Variants in SYNE1 observed in about 807,000 individuals in gnomAD.
SYNE1 encodes spectrin repeat containing nuclear envelope protein 1.
In SYNE1, 616 loss-of-function variants were observed where a neutral mutation model predicts 1,111.0. The ratio of observed to expected loss-of-function variants is 0.55; its 90% CI spans 0.52 to 0.59. The LOEUF is 0.59. Among genes scored for constraint, SYNE1 ranks in the 20% least tolerant of loss-of-function variants. The pLI, the probability that SYNE1 is intolerant of heterozygous loss-of-function variation, is 0.00. For synonymous variants in SYNE1, 3,855 were observed against 3,825.8 expected, an observed-to-expected ratio of 1.01 and a Z score of -0.28; for missense variants, 10,006 against 10,417.0, an observed-to-expected ratio of 0.96 and a Z score of 1.72.
At chr6:152,348,321 A>G (rs2096676118) in intron 72 of SYNE1, among the ~76,000 whole-genome samples, 1 of 152,146 alleles carries the variant, frequency 6.6e-6, no homozygotes, top group South Asian at 2.1e-4. Flanking sequence ...ACCTCACACC[A>G]CCATGTCCAC....
intron 9 of SYNE1, among the ~76,000 whole-genome samples, chr6:152,503,178 C>T (rs987920346): frequency 6.7e-6 from 1 of 150,232 alleles, no homozygotes; most frequent in African/African-American, 2.4e-5. Context: ...CACTGAATGA[C>T]ATATATATAT....
Position 152,215,025 on chromosome 6 carries a change from A to G in SYNE1, c.22227T>C (p.Asp7409=). The G allele has an allele frequency of 6.2e-7, 1 of 1,614,128 alleles. No homozygotes were observed. ...ATCCAAGCTCATTTAGACGGTCTAA[A>G]TCTGGAGCCATGCTGCTGAATTTTA... ...QMLKFSSMAP[D]LDRLNELGYR... The change falls in exon 122 of 146, where the codon GAT becomes GAC. Residue 7409 remains aspartate (D), a synonymous_variant. Transcript: ENST00000367255.
intron 117 of SYNE1, among the ~76,000 whole-genome samples, chr6:152,223,268 G>A (rs546092022): frequency 6.6e-6 from 1 of 152,258 alleles, no homozygotes; most frequent in African/African-American, 2.4e-5. Flanking sequence ...TAAGGGTTAA[G>A]AAATTATATA....
intron 3 of SYNE1, among the ~76,000 whole-genome samples, chr6:152,580,274 G>C (rs1408614893): frequency 6.6e-6 from 1 of 152,086 alleles, no homozygotes; most frequent in Admixed American, 6.5e-5. Context: ...GAGTGATGTC[G>C]AACATTTTTT....
In SYNE1 at chr6:152,350,633, C is replaced by T. The variant is rs747530206; in HGVS notation, c.11718G>A (p.Leu3906=). Residue 3906 remains leucine, a synonymous_variant, in exon 71 of 146, where the codon CTG becomes CTA. Coordinates refer to ENST00000367255, the MANE Select transcript of SYNE1 (RefSeq NM_182961.4). ...IDQLQSDYQD[L]CSIGKEHVFS... ...CTCTCCTTACCTTTCCTATGCTGCA[C>T]AGGTCCTGGTAATCACTTTGAAGTT... 1.2e-5 allele frequency: 19 copies of T among 1,614,058 alleles called. No individual in the cohort carries two copies. Among genetic ancestry groups the T allele is most frequent in the Non-Finnish European group, 1.4e-5 (17 of 1,180,034 alleles).
intron 71 of SYNE1, 28 bp downstream of exon 71, chr6:152,350,590 T>A: frequency 1.2e-6 from 2 of 1,614,060 alleles, no homozygotes; most frequent in Non-Finnish European, 1.7e-6. Flanking sequence ...AAATAAACCC[T>A]TTTACGGAGT....
chr6:152,555,162 C>A (rs1327385208), intron 3 of SYNE1, among the ~76,000 whole-genome samples: 1 of 152,132 alleles, frequency 6.6e-6, no homozygotes, highest in African/African-American at 2.4e-5. Flanking sequence ...TTTTTTGTTA[C>A]AATTATTATA....
chr6:152,448,860 A>G (rs1414942013), intron 28 of SYNE1, among the ~76,000 whole-genome samples: 1 of 150,116 alleles, frequency 6.7e-6, no homozygotes, highest in African/African-American at 2.5e-5. Flanking sequence ...AAACAAACAA[A>G]CAAACAAACA....
chr6:152,498,386 C>G (rs1043502121), intron 11 of SYNE1, among the ~76,000 whole-genome samples: 2 of 151,636 alleles, frequency 1.3e-5, no homozygotes, highest in African/African-American at 4.9e-5. Flanking sequence ...AGATACAAAA[C>G]TAAACCTTTA....
intron 104 of SYNE1, among the ~76,000 whole-genome samples, chr6:152,250,245 C>G (rs1313700516): frequency 6.6e-6 from 1 of 151,026 alleles, no homozygotes; most frequent in Non-Finnish European, 1.5e-5. Flanking sequence ...GCCTGGGTGA[C>G]TTTATCTCAA....
chr6:152,610,983 C>T (rs2099629652), intron 3 of SYNE1, among the ~76,000 whole-genome samples: 1 of 152,150 alleles, frequency 6.6e-6, no homozygotes, highest in Admixed American at 6.5e-5. Context: ...CTTACAAGAG[C>T]TCATGAAGGA....
intron 14 of SYNE1, among the ~76,000 whole-genome samples, chr6:152,478,882 C>T (rs1206287578): frequency 6.6e-6 from 1 of 152,082 alleles, no homozygotes; most frequent in Non-Finnish European, 1.5e-5. Context: ...CTGGCTTTCA[C>T]CGGCATTGTG....
At chr6:152,380,666 ACTCT>A (rs892960028) in intron 56 of SYNE1, 8 of 325,028 alleles carry the variant, frequency 2.5e-5, no homozygotes, top group Non-Finnish European at 4.7e-5. Flanking sequence ...AACAGCTATG[ACTCT>A]CTGTCTATTT....
chr6:152,562,919 C>T (rs747153533), intron 3 of SYNE1, among the ~76,000 whole-genome samples: 26 of 152,158 alleles, frequency 1.7e-4, no homozygotes, highest in Admixed American at 1.5e-3. Flanking sequence ...ATTCATTTCA[C>T]TTCCACTAGT....
intron 3 of SYNE1, among the ~76,000 whole-genome samples, chr6:152,608,655 G>A (rs573019922): frequency 2.2e-4 from 33 of 152,306 alleles, no homozygotes; most frequent in Admixed American, 1.9e-3. Flanking sequence ...TGGAGTTAGG[G>A]CAGGGCACAG....
intron 71 of SYNE1, 26 bp downstream of exon 71, chr6:152,350,592 T>C (rs368896516): frequency 4.6e-5 from 74 of 1,613,990 alleles, no homozygotes; most frequent in Non-Finnish European, 5.9e-5. Flanking sequence ...ATAAACCCTT[T>C]TACGGAGTCT....
At chr6:152,140,250 T>A in intron 139 of SYNE1, 89 bp from the exon 140 acceptor site, 1 of 1,319,786 alleles carries the variant, frequency 7.6e-7, no homozygotes. Flanking sequence ...CAGCCAATTT[T>A]AAATAGCAAC....
chr6:152,362,157 A>G lies in SYNE1; in HGVS notation c.10299+13T>C, dbSNP rs1472341660. ...TGTGAGAAAACACATGGAATCTGAA[A>G]TCCAGCTCTCACCTTGGCTTTTCCG... On this transcript the variant is annotated intron_variant, in intron 64 of 145. Transcript: ENST00000367255. 3 of 1,614,070 alleles carry G rather than the reference A, an allele frequency of 1.9e-6. No homozygotes were observed. In the African/African-American group the frequency reaches 4.0e-5, roughly 22 times the overall value.
chr6:152,233,281 AG>A (rs1195769138), intron 112 of SYNE1, among the ~76,000 whole-genome samples: 1 of 152,196 alleles, frequency 6.6e-6, no homozygotes, highest in Non-Finnish European at 1.5e-5. Context: ...CACACATTAA[AG>A]AAACCCTCAG....
Sources: gnomAD v4.1 joint callset for allele counts (sites outside exome capture counted in the v4.1 genomes callset) on GRCh38, gnomAD v4.1.1 for gene constraint, MANE v1.5 for transcripts, NCBI Gene and HGNC (gene_info 2026-07-23, HGNC 2026-07-21) for gene names.